The following SLC18A2 variants were observed in gnomAD, a reference collection of about 807,000 sequenced individuals.
The protein encoded by SLC18A2 is synaptic vesicular amine transporter.
A neutral mutation model predicts 59.2 loss-of-function variants in SLC18A2; 33 were observed. The ratio of observed to expected loss-of-function variants is 0.56; its 90% CI spans 0.42 to 0.75. The LOEUF is 0.75. SLC18A2 is among the 30% of genes least tolerant of loss of function. SLC18A2 has a pLI of 0.00. For missense variants in SLC18A2, 569 were observed against 668.6 expected, an observed-to-expected ratio of 0.85 and a Z score of 1.64; for synonymous variants, 228 against 253.5, an observed-to-expected ratio of 0.90 and a Z score of 0.95.
intron 15 of SLC18A2, among the ~76,000 whole-genome samples, chr10:117,273,709 A>G (rs1844452459): frequency 6.6e-6 from 1 of 152,178 alleles, no homozygotes; most frequent in African/African-American, 2.4e-5. Context: ...TGTTAAAGAG[A>G]ATAAAACTTT....
At chr10:117,256,069 A>T (rs954034712) in intron 9 of SLC18A2, among the ~76,000 whole-genome samples, 6 of 152,176 alleles carry the variant, frequency 3.9e-5, no homozygotes, top group Non-Finnish European at 8.8e-5. Flanking sequence ...TCACCTTGGC[A>T]TATATGAATA....
intron 3 of SLC18A2, among the ~76,000 whole-genome samples, chr10:117,251,580 G>A (rs1844162896): frequency 6.6e-6 from 1 of 152,188 alleles, no homozygotes; most frequent in African/African-American, 2.4e-5. Flanking sequence ...GGAGGGGACT[G>A]ACTGTCTGGG....
At chr10:117,264,390 C>G (rs557489745) in intron 10 of SLC18A2, among the ~76,000 whole-genome samples, 1 of 152,336 alleles carries the variant, frequency 6.6e-6, no homozygotes, top group South Asian at 2.1e-4. Context: ...GCAGGTGGAT[C>G]ACTTGAGCCC....
chr10:117,260,108 G>A (rs1158311813), intron 10 of SLC18A2, among the ~76,000 whole-genome samples: 2 of 152,128 alleles, frequency 1.3e-5, no homozygotes, highest in African/African-American at 4.8e-5. Context: ...AGTGTTTGGG[G>A]TTTTGGTGAG....
In SLC18A2 at chr10:117,278,629, C is replaced by T. The variant is rs758357285; in HGVS notation, c.*1363C>T. 2.0e-5 allele frequency: 3 copies of T among 151,776 alleles called. No homozygotes were observed. The highest frequency in any genetic ancestry group is 4.9e-5 in the African/African-American group (2 of 41,220). 9.4% of individuals were successfully genotyped at this position (151,776 alleles called of 1,614,324 possible). The stretch of plus-strand genomic sequence containing the variant: ...ATCATAAACAAAAATTACTTAGTTT[C>T]GTTAAGCTAAGATTGTGTTTGTGTT... On this transcript the variant is annotated 3_prime_UTR_variant, in exon 16 of 16. Coordinates refer to ENST00000644641, the MANE Select transcript of SLC18A2 (RefSeq NM_003054.6).
chr10:117,255,580 T>C lies in SLC18A2; in HGVS notation c.835-17T>C, dbSNP rs372399727. 3.1e-6 allele frequency: 5 copies of C among 1,613,994 alleles called. No individual in the cohort carries two copies. The African/African-American group carries it at 4.0e-5, about 13-fold the overall frequency. ...GGGGCATGGTGCTGCTTCTGACCCGTGTTTTTTTCTTGACAGAGTCAGAAG... is the reference window on the plus strand; with the variant it reads ...GGGGCATGGTGCTGCTTCTGACCCGCGTTTTTTTCTTGACAGAGTCAGAAG... On this transcript the variant is annotated splice_polypyrimidine_tract_variant and intron_variant, in intron 8 of 15. Transcript: ENST00000644641.
At chr10:117,275,241 G>A (rs1844472596) in intron 15 of SLC18A2, among the ~76,000 whole-genome samples, 1 of 152,192 alleles carries the variant, frequency 6.6e-6, no homozygotes, top group Non-Finnish European at 1.5e-5. Context: ...GAAGCTGACA[G>A]GTTGAGCTGG....
chr10:117,254,344 A>G (rs921171972), intron 5 of SLC18A2, 61 bp from the exon 6 acceptor site: 2 of 1,405,646 alleles, frequency 1.4e-6, no homozygotes, highest in East Asian at 4.6e-5. Flanking sequence ...AAGGCGAGTC[A>G]CGCATTATTC....
rs149854149 is a variant in SLC18A2, at chr10:117,255,638, G to A, written c.876G>A (p.Pro292=). The A allele has an allele frequency of 4.6e-5, 74 of 1,613,708 alleles. No homozygotes were observed. The East Asian group carries it at 5.1e-4, about 11-fold the overall frequency. Residue 292 remains proline, a synonymous_variant, in exon 9 of 16, where the codon CCG becomes CCA. Transcript: ENST00000644641. ...CCCTAACCACGCTGCTGAAGGACCC[G>A]TACATCCTCATTGCTGCAGGTGGGG... is the stretch of plus-strand genomic sequence containing the variant. The part of the protein sequence containing the change: ...GTPLTTLLKD[P]YILIAAGSIC...
rs954567808 is a variant in SLC18A2 at position 117,269,581 on chromosome 10, G to A, written c.1187-490G>A. 6.6e-6 allele frequency among the ~76,000 whole-genome samples: 1 copy of A among 152,102 alleles called. No individual in the cohort carries two copies. The highest frequency in any genetic ancestry group is 1.5e-5 in the Non-Finnish European group (1 of 68,022). ...GTCAAGCCTCGCCTCTCTGAGTATT[G>A]GTTTCCTCATCTATAAAATGGGGAT... On this transcript the variant is annotated intron_variant, in intron 13 of 15. Transcript: ENST00000644641. This position sits in a 1 kb window ranked among gnomAD's most constrained non-coding sequence, Gnocchi z 5.1.
At chr10:117,267,283 T>G in intron 12 of SLC18A2, 1 of 528,810 alleles carries the variant, frequency 1.9e-6, no homozygotes, top group Non-Finnish European at 3.3e-6. Context: ...CTGCATCATC[T>G]TAAGCTTGAC....
Position 117,257,892 on chromosome 10 carries a change from G to A in SLC18A2, c.991G>A (p.Gly331Ser), listed in dbSNP as rs1844248258. The change falls in exon 10 of 16, where the codon GGC (glycine) becomes AGC (serine). Residue 331 changes from glycine to serine, a missense_variant and splice_region_variant. By Grantham distance (56) the Gly-to-Ser change is moderately conservative (BLOSUM62 0). Around this residue, in one of 2 missense-constraint regions of SLC18A2, gnomAD observed 192 missense variants for 278.8 expected, o/e 0.69. Transcript: ENST00000644641. ...ETMCSRKWQL[G>S]VAFLPASISY... ...CATGTGTTCCCGAAAGTGGCAGCTG[G>A]GTAAGGACTGGGGTGGGCTCTTCTG... is the stretch of plus-strand genomic sequence containing the variant. 9.3e-6 allele frequency: 15 copies of A among 1,606,670 alleles called. No individual in the cohort carries two copies. The highest frequency in any genetic ancestry group is 1.3e-5 in the Non-Finnish European group (15 of 1,175,090).
intron 1 of SLC18A2, 150 bp downstream of exon 1, chr10:117,241,370 G>A: frequency 3.8e-6 from 1 of 260,410 alleles, no homozygotes; most frequent in Non-Finnish European, 7.4e-6. Context: ...AGGGCGCAAG[G>A]TGCACGGGGC....
At chr10:117,273,269 A>C (rs1844447134) in intron 15 of SLC18A2, among the ~76,000 whole-genome samples, 1 of 152,242 alleles carries the variant, frequency 6.6e-6, no homozygotes, top group Non-Finnish European at 1.5e-5. Context: ...CCCTCTGCAC[A>C]TACAGGAAAT....
At chr10:117,253,366 TCAC>T (rs747506499) in intron 3 of SLC18A2, 30 bp from the exon 4 acceptor site, 1 of 1,547,428 alleles carries the variant, frequency 6.5e-7, no homozygotes, top group Non-Finnish European at 8.9e-7. Flanking sequence ...TAGCCTGCAG[TCAC>T]CAGATTTGTC....
chr10:117,244,852 A>G (rs949236006), intron 3 of SLC18A2, among the ~76,000 whole-genome samples: 3 of 152,232 alleles, frequency 2.0e-5, no homozygotes, highest in Admixed American at 6.5e-5. Flanking sequence ...TGCCGAGGTC[A>G]TGGGCTGTGT....
At chr10:117,253,543 T>G in intron 4 of SLC18A2, 86 bp downstream of exon 4, 2 of 90,608 alleles carry the variant, frequency 2.2e-5, no homozygotes, top group Non-Finnish European at 4.2e-5. Context: ...CAATACAACC[T>G]AAGGACGGCG....
At chr10:117,258,780 T>C (rs1289314023) in intron 10 of SLC18A2, among the ~76,000 whole-genome samples, 2 of 151,128 alleles carry the variant, frequency 1.3e-5, no homozygotes, top group Non-Finnish European at 3.0e-5. Context: ...TTTTTTTTTT[T>C]TTTTGAGACA....
At position 117,267,683 on chromosome 10, in the gene SLC18A2, C is replaced by T. The variant is rs755601068; in HGVS notation, c.1133C>T (p.Ala378Val). Residue 378 changes from alanine (A) to valine (V), a missense_variant, in exon 13 of 16, where the codon GCA becomes GTA. Physicochemically the swap from Ala to Val is moderately conservative, Grantham distance 64. Around this residue, in one of 2 missense-constraint regions of SLC18A2, gnomAD observed 192 missense variants for 278.8 expected, o/e 0.69. Coordinates refer to ENST00000644641, the MANE Select transcript of SLC18A2 (RefSeq NM_003054.6). ...TATTTCCTCTTACAGATTCCATTTG[C>T]AAAAAACATTTATGGACTCATAGCT... ...VGVSILCIPFAKNIYGLIAPN... is the reference protein window; with the variant it reads ...VGVSILCIPFVKNIYGLIAPN... 1.3e-6 allele frequency: 2 copies of T among 1,562,496 alleles called. No individual in the cohort carries two copies. Among genetic ancestry groups the T allele is most frequent in the South Asian group, 1.2e-5 (1 of 86,720 alleles).
Sources: gnomAD v4.1 joint callset for allele counts (sites outside exome capture counted in the v4.1 genomes callset) on GRCh38, gnomAD v4.1.1 for gene constraint, gnomAD v4.1.1 regional missense constraint, Gnocchi (gnomAD v3.1) non-coding constraint, MANE v1.5 for transcripts, NCBI Gene and HGNC (gene_info 2026-07-23, HGNC 2026-07-21) for gene names.